Variants in NUP153 observed in about 807,000 individuals in gnomAD.
NUP153 encodes nuclear pore complex protein Nup153.
NUP153 carries 27 observed loss-of-function variants against 134.6 expected under a neutral mutation model. The observed-to-expected ratio is 0.20, with a 90% CI of 0.15 to 0.28. NUP153 has a LOEUF of 0.28. Ranked by LOEUF, NUP153 falls within the 10% of genes least tolerant of loss-of-function variation. The probability of loss-of-function intolerance (pLI) is 1.00; values close to 1 mark genes in which losing one functional copy is unlikely to be tolerated. For synonymous variants in NUP153, 640 were observed against 623.5 expected (o/e 1.03, Z -0.40); for missense variants, 1,821 against 1,731.3 (o/e 1.05, Z -0.92).
At chr6:17,689,993 G>A (rs185102332) in intron 1 of NUP153, among the ~76,000 whole-genome samples, 50 of 152,074 alleles carry the variant, frequency 3.3e-4, no homozygotes, top group African/African-American at 1.1e-3. Flanking sequence ...CCACCTTATG[G>A]ATAAGACAAA....
At chr6:17,650,200 G>A (rs1463074387) in intron 11 of NUP153, among the ~76,000 whole-genome samples, 1 of 152,170 alleles carries the variant, frequency 6.6e-6, no homozygotes, top group Non-Finnish European at 1.5e-5. Flanking sequence ...AGAAGAAACT[G>A]GATGGGAGAG....
chr6:17,701,848 A>AGGGGG (rs1561917012), intron 1 of NUP153, among the ~76,000 whole-genome samples: 5 of 90,344 alleles, frequency 5.5e-5, no homozygotes, highest in Admixed American at 1.0e-4. Context: ...GGGGGGGAAA[A>AGGGGG]AAGCTAAATG....
Position 17,675,237 on chromosome 6 carries a change from G to T in NUP153, c.715C>A (p.Leu239Ile). 1 of 1,614,106 alleles carries T rather than the reference G, an allele frequency of 6.2e-7. No homozygotes were observed. Among genetic ancestry groups the T allele is most frequent in the Non-Finnish European group, 8.5e-7 (1 of 1,180,014 alleles). ...PAFNLSAFGT[L>I]SPSLGNSSIL... ...ACCCAGTTAGTACTCACAGGGGAAA[G>T]TGTTCCAAAGGCAGACAAGTTGAAT... Residue 239 changes from leucine to isoleucine, a missense_variant, in exon 4 of 22, where the codon CTT (leucine) becomes ATT (isoleucine). By Grantham distance (5) the Leu-to-Ile change is conservative. Transcript: ENST00000262077. The surrounding 1 kb of genome is among the most constrained non-coding windows in gnomAD (Gnocchi z 4.4).
At chr6:17,617,855 G>GA (rs879470455) in intron 20 of NUP153, among the ~76,000 whole-genome samples, 54 of 148,364 alleles carry the variant, frequency 3.6e-4, no homozygotes, top group Non-Finnish European at 6.4e-4. Context: ...AGAAGGAAAA[G>GA]AAAAAAAAAG....
rs778277854 is a variant in NUP153, at chr6:17,649,308, A to G, written c.1396-8T>C. Reference sequence around the variant, plus strand: ...TACTGGAACTTCCATTTCCTAAAACATAACATGTTGCATGATATATTTCAT... The same window carrying G: ...TACTGGAACTTCCATTTCCTAAAACGTAACATGTTGCATGATATATTTCAT... On this transcript the variant is annotated splice_polypyrimidine_tract_variant and splice_region_variant and intron_variant, in intron 11 of 21. Coordinates refer to ENST00000262077, the MANE Select transcript of NUP153 (RefSeq NM_005124.4). The G allele has an allele frequency of 1.2e-5, 19 of 1,606,852 alleles. No individual in the cohort carries two copies. In the Admixed American group the frequency reaches 2.6e-4, roughly 22 times the overall value.
intron 1 of NUP153, among the ~76,000 whole-genome samples, chr6:17,696,208 G>A (rs1429216023): frequency 6.6e-6 from 1 of 152,152 alleles, no homozygotes; most frequent in Non-Finnish European, 1.5e-5. Context: ...TCCTTGACTG[G>A]CAGTTTTTTA....
At chr6:17,618,565 T>C (rs1480611825) in intron 20 of NUP153, among the ~76,000 whole-genome samples, 4,430 of 16,764 alleles carry the variant, frequency 0.26, 202 homozygotes, top group African/African-American at 0.36. Flanking sequence ...AATCTCTCTT[T>C]TTTTTTTTTT....
At position 17,625,668 on chromosome 6, in the gene NUP153, T is replaced by C. The variant is rs1764898428; in HGVS notation, c.3901+140A>G. On this transcript the variant is annotated intron_variant, in intron 19 of 21. Coordinates refer to ENST00000262077, the MANE Select transcript of NUP153 (RefSeq NM_005124.4). This position sits in a 1 kb window ranked among gnomAD's most constrained non-coding sequence, Gnocchi z 4.7. ...GTACATTATTCCATACAGTGAATAA[T>C]TAAAACAACCCTGGTATAGATGACC... 1.5e-6 allele frequency: 1 copy of C among 679,272 alleles called. No individual in the cohort carries two copies. Among genetic ancestry groups the C allele is most frequent in the Non-Finnish European group, 2.6e-6 (1 of 387,414 alleles). The allele number at this position is 679,272 out of a possible 1,614,324, so 42.1% of individuals were successfully genotyped here.
chr6:17,637,400 T>G lies in NUP153; in HGVS notation c.2217A>C (p.Ala739=). 1 of 1,614,228 alleles carries G rather than the reference T, an allele frequency of 6.2e-7. No homozygotes were observed. The highest frequency in any genetic ancestry group is 8.5e-7 in the Non-Finnish European group (1 of 1,180,042). Residue 739 remains alanine (A), a synonymous_variant, in exon 16 of 22, where the codon GCA becomes GCC. Transcript: ENST00000262077. ...DTCLVQNKPE[A]IKCVACETPK... Reference sequence around the variant, plus strand: ...GTGTTTCACAGGCTACACATTTTATTGCTTCAGGTTTATTTTGCACTAAAC... The same window carrying G: ...GTGTTTCACAGGCTACACATTTTATGGCTTCAGGTTTATTTTGCACTAAAC...
At chr6:17,669,987 C>A (rs1237445435) in intron 5 of NUP153, among the ~76,000 whole-genome samples, 2 of 149,748 alleles carry the variant, frequency 1.3e-5, no homozygotes, top group Non-Finnish European at 1.5e-5. Context: ...CCCAGCTACT[C>A]GAGAGGCTGA....
chr6:17,701,870 T>C (rs1770128347), intron 1 of NUP153, among the ~76,000 whole-genome samples: 1 of 143,424 alleles, frequency 7.0e-6, no homozygotes, highest in Non-Finnish European at 1.5e-5. Flanking sequence ...AGGAACTGAC[T>C]TGTAAGACAA....
chr6:17,621,640 T>TA (rs1030824744), intron 20 of NUP153, among the ~76,000 whole-genome samples: 20 of 152,206 alleles, frequency 1.3e-4, no homozygotes, highest in African/African-American at 2.4e-4. Context: ...GTGTAGGAGC[T>TA]AAAAAACAAG....
rs1279419325 is a variant in NUP153, at chr6:17,616,539, G to C, written c.4331C>G (p.Ala1444Gly). 1.2e-6 allele frequency: 2 copies of C among 1,608,564 alleles called. No homozygotes were observed. The highest frequency in any genetic ancestry group is 2.2e-5 in the East Asian group (1 of 44,828). The change falls in exon 21 of 22, where the codon GCA becomes GGA. Residue 1444 changes from alanine (A) to glycine (G), a missense_variant. Ala to Gly is a moderately conservative substitution (Grantham distance 60). Coordinates refer to ENST00000262077, the MANE Select transcript of NUP153 (RefSeq NM_005124.4). The stretch of plus-strand genomic sequence containing the variant: ...AAAATTCTCTTACCCCACTGTAAAT[G>C]CTGCTGGAGACTGGTTAAATGGAAA... ...GGFPFNQSPA[A>G]FTVGSNGKNV...
chr6:17,674,309 T>C (rs2113833226), intron 5 of NUP153, among the ~76,000 whole-genome samples: 1 of 152,302 alleles, frequency 6.6e-6, no homozygotes, highest in East Asian at 1.9e-4. Flanking sequence ...TGAAAAATTG[T>C]AGTATGTGTA....
chr6:17,627,763 A>T (rs1765018287), intron 18 of NUP153, among the ~76,000 whole-genome samples: 1 of 152,246 alleles, frequency 6.6e-6, no homozygotes, highest in African/African-American at 2.4e-5. Context: ...GTTACAAATT[A>T]GAAGATGATG....
intron 8 of NUP153, among the ~76,000 whole-genome samples, chr6:17,665,613 C>A (rs552417169): frequency 6.6e-6 from 1 of 152,102 alleles, no homozygotes; most frequent in African/African-American, 2.4e-5. Context: ...AATGGCTTCA[C>A]GGATACTCTA....
chr6:17,632,871 TGGG>T (rs767879812), intron 16 of NUP153, 27 bp from the exon 17 acceptor site: 1 of 1,366,626 alleles, frequency 7.3e-7, no homozygotes, highest in Non-Finnish European at 9.8e-7. Flanking sequence ...AAACGGGGAG[TGGG>T]GGGAGATTTC....
chr6:17,636,348 A>AG (rs1561863468), intron 16 of NUP153, among the ~76,000 whole-genome samples: 1 of 152,012 alleles, frequency 6.6e-6, no homozygotes, highest in East Asian at 1.9e-4. Context: ...AAAAAAAAAA[A>AG]AAAGGAATGA....
chr6:17,632,802 G>C lies in NUP153; in HGVS notation c.2507C>G (p.Ser836Cys), dbSNP rs61744976. Residue 836 changes from serine (S) to cysteine (C), a missense_variant, in exon 17 of 22, where the codon TCT becomes TGT. Coordinates refer to ENST00000262077, the MANE Select transcript of NUP153 (RefSeq NM_005124.4). ...TCCTAGAGAGCCTCCAGAAGGCAGA[G>C]AGACAGGTACAGTGCTGCTACTTGA... ...PASSSSTVPV[S>C]LPSGGSLGLE... The C allele has an allele frequency of 0.14, 213,969 of 1,500,970 alleles. 16,002 individuals are homozygous for C. The highest frequency in any genetic ancestry group is 0.21 in the South Asian group (18,468 of 89,758). The allele number at this position is 1,500,970 out of a possible 1,614,324, so 93.0% of individuals were successfully genotyped here. A position where few individuals can be genotyped will look rare whatever the true frequency, so the allele number is the denominator to read the frequency against.
Sources: gnomAD v4.1 joint callset for allele counts (sites outside exome capture counted in the v4.1 genomes callset) on GRCh38, gnomAD v4.1.1 for gene constraint, Gnocchi (gnomAD v3.1) non-coding constraint, MANE v1.5 for transcripts, NCBI Gene and HGNC (gene_info 2026-07-23, HGNC 2026-07-21) for gene names.